PDZD4: variants seen among roughly 807,000 people sequenced by gnomAD.
PDZD4 encodes the protein PDZ domain-containing protein 4.
PDZD4 carries 9 observed loss-of-function variants against 38.5 expected under a neutral mutation model. That is an observed-to-expected ratio of 0.23 (90% CI 0.14 to 0.41). The LOEUF is 0.41. Among genes scored for constraint, PDZD4 ranks in the 10% least tolerant of loss-of-function variants. The probability of loss-of-function intolerance (pLI) is 1.00; values close to 1 mark genes in which losing one functional copy is unlikely to be tolerated. For missense variants in PDZD4, 612 were observed against 722.0 expected, an observed-to-expected ratio of 0.85 and a Z score of 1.75; for synonymous variants, 349 against 315.7, an observed-to-expected ratio of 1.11 and a Z score of -1.12.
At chrX:153,829,900 G>A (rs1557083369) in intron 1 of PDZD4, 1 of 812,661 alleles carries the variant, frequency 1.2e-6, no homozygotes, top group Non-Finnish European at 1.5e-6. Flanking sequence ...CCCGCACGGC[G>A]GGAGCCTGGC....
chrX:153,814,490 C>CGCA (rs1557079398), intron 1 of PDZD4, among the ~76,000 whole-genome samples: 2 of 85,369 alleles, frequency 2.3e-5, no homozygotes, highest in African/African-American at 8.6e-5. Flanking sequence ...ACCCCCCCCC[C>CGCA]AAAAAAAAGT....
chrX:153,820,219 CACCTG>C (rs1557080950), intron 1 of PDZD4, among the ~76,000 whole-genome samples: 1 of 109,265 alleles, frequency 9.2e-6, no homozygotes, highest in Non-Finnish European at 1.9e-5. Context: ...TGGTGGCTTG[CACCTG>C]TAGTTCCAGC....
chrX:153,818,427 A>G (rs1302832349), intron 1 of PDZD4, among the ~76,000 whole-genome samples: 1 of 111,428 alleles, frequency 9.0e-6, no homozygotes, highest in Non-Finnish European at 1.9e-5. Flanking sequence ...CAACGGACTG[A>G]GACCCTGTCT....
Position 153,808,441 on chromosome X carries a change from G to T in PDZD4, c.215C>A (p.Thr72Asn), listed in dbSNP as rs782217331. Reference sequence around the variant, plus strand: ...ATGCTCGAAGGTGATGTCGGTCTGAGTGCCACTGTCCACCAGCTGCAGGTC... The same window carrying T: ...ATGCTCGAAGGTGATGTCGGTCTGATTGCCACTGTCCACCAGCTGCAGGTC... ...CHDLQLVDSG[T>N]QTDITFEHIM... The change falls in exon 2 of 8, where the codon ACT becomes AAT. Residue 72 changes from threonine (T) to asparagine (N), a missense_variant. Physicochemically the swap from Thr to Asn is moderately conservative, Grantham distance 65. Coordinates refer to ENST00000393758, the MANE Select transcript of PDZD4 (RefSeq NM_001303512.2). 2 of 1,210,509 alleles carry T rather than the reference G, an allele frequency of 1.7e-6. No individual in the cohort carries two copies. Among genetic ancestry groups the T allele is most frequent in the East Asian group, 3.0e-5 (1 of 33,786 alleles).
In PDZD4 at chrX:153,806,771, C is replaced by T; in HGVS notation, c.475G>A (p.Glu159Lys). Reference sequence around the variant, plus strand: ...CCGACATAAATGCCCAGGTCCTCCTCGTCGTCCGTGCGGTAGCAAACCATC... The same window carrying T: ...CCGACATAAATGCCCAGGTCCTCCTTGTCGTCCGTGCGGTAGCAAACCATC... ...GLMVCYRTDD[E>K]EDLGIYVGEV... is the part of the protein sequence containing the mutation. The change falls in exon 4 of 8, where the codon GAG becomes AAG. Residue 159 changes from glutamate (E) to lysine (K), a missense_variant. Around this residue, in one of 3 missense-constraint regions of PDZD4, gnomAD observed 225 missense variants for 311.0 expected, o/e 0.72. Coordinates refer to ENST00000393758, the MANE Select transcript of PDZD4 (RefSeq NM_001303512.2). 6 of 1,211,122 alleles carry T rather than the reference C, an allele frequency of 5.0e-6. No homozygotes were observed. Among genetic ancestry groups the T allele is most frequent in the East Asian group, 3.0e-5 (1 of 33,820 alleles).
intron 1 of PDZD4, 103 bp downstream of exon 1, chrX:153,830,136 C>G (rs1267189324): frequency 4.9e-6 from 4 of 810,722 alleles, no homozygotes; most frequent in Non-Finnish European, 6.7e-6. Context: ...CCTTGTCCTC[C>G]TCGAGCCCTC....
At chrX:153,814,779 C>T (rs1361323931) in intron 1 of PDZD4, among the ~76,000 whole-genome samples, 5 of 110,952 alleles carry the variant, frequency 4.5e-5, no homozygotes, top group South Asian at 3.8e-4. Flanking sequence ...CCAGTGCTCC[C>T]GTGCCATCCT....
At position 153,813,926 on chromosome X, in the gene PDZD4, G is replaced by A. The variant is rs2064333782; in HGVS notation, c.61-5331C>T. ...TCCCAACTCCTAACAGTTTGCTGAAGATAAAACTTTAATATGTTTCTTGGC... is the reference window on the plus strand; with the variant it reads ...TCCCAACTCCTAACAGTTTGCTGAAAATAAAACTTTAATATGTTTCTTGGC... On this transcript the variant is annotated intron_variant, in intron 1 of 7. Coordinates refer to ENST00000393758, the MANE Select transcript of PDZD4 (RefSeq NM_001303512.2). Among the ~76,000 whole-genome samples the A allele has an allele frequency of 6.2e-5, 7 of 112,293 alleles. No individual in the cohort carries two copies. In the South Asian group the frequency reaches 2.6e-3, roughly 41 times the overall value.
chrX:153,806,714 C>T (rs782071819), intron 4 of PDZD4, 28 bp downstream of exon 4: 25 of 1,191,026 alleles, frequency 2.1e-5, no homozygotes, highest in East Asian at 3.0e-5. Flanking sequence ...GGATGGGCCT[C>T]GGGGCTGGGG....
chrX:153,805,074 C>T (rs782689415), intron 7 of PDZD4, 23 bp downstream of exon 7: 11 of 1,197,272 alleles, frequency 9.2e-6, no homozygotes, highest in Non-Finnish European at 1.2e-5. Context: ...GCCCTCCCCA[C>T]CAGCGCCCTT....
chrX:153,814,480 A>ACCCCCCC (rs35283380), intron 1 of PDZD4, among the ~76,000 whole-genome samples: 19 of 53,833 alleles, frequency 3.5e-4, no homozygotes, highest in East Asian at 8.5e-4. Context: ...TCCACCCCCC[A>ACCCCCCC]CCCCCCCCCC....
chrX:153,807,858 C>A (rs1379805162), intron 2 of PDZD4: 11 of 977,002 alleles, frequency 1.1e-5, no homozygotes, highest in Non-Finnish European at 1.1e-5. Context: ...TACCTCCCCG[C>A]AGCCCGGGCT....
At chrX:153,811,185 G>T (rs2064307047) in intron 1 of PDZD4, among the ~76,000 whole-genome samples, 1 of 109,634 alleles carries the variant, frequency 9.1e-6, no homozygotes, top group Admixed American at 9.7e-5. Context: ...CATCCAGGCT[G>T]AAGTGCAGTG....
intron 7 of PDZD4, 52 bp downstream of exon 7, chrX:153,805,045 A>C (rs2092206990): frequency 8.6e-7 from 1 of 1,163,801 alleles, no homozygotes; most frequent in Non-Finnish European, 1.2e-6. Flanking sequence ...AGCGCCTTCC[A>C]CCCAGTTCTC....
In PDZD4 at chrX:153,804,220, C is replaced by T. The variant is rs1557075911; in HGVS notation, c.1461G>A (p.Pro487=). 3.3e-6 allele frequency: 4 copies of T among 1,204,354 alleles called. No individual in the cohort carries two copies. The highest frequency in any genetic ancestry group is 3.0e-5 in the East Asian group (1 of 33,632). Reference sequence around the variant, plus strand: ...TCTCGGGCAGGGGCTCCACAAGCAGCGGGGTGCTGCGGCAGCTCTCCCCAG... The same window carrying T: ...TCTCGGGCAGGGGCTCCACAAGCAGTGGGGTGCTGCGGCAGCTCTCCCCAG... The part of the protein sequence containing the change: ...YNTGESCRST[P]LLVEPLPESP... Residue 487 remains proline, a synonymous_variant, in exon 8 of 8, where the codon CCG becomes CCA. Coordinates refer to ENST00000393758, the MANE Select transcript of PDZD4 (RefSeq NM_001303512.2).
rs1348702554 is a variant in PDZD4, at chrX:153,802,564, T to C, written c.*789A>G. ...TGGACACCCTGCAGGACCCCTCCGT[T>C]CCTGCAGTCTTGCTCTCTCTGAGTC... On this transcript the variant is annotated 3_prime_UTR_variant, in exon 8 of 8. Transcript: ENST00000393758. 9.0e-6 allele frequency: 1 copy of C among 111,670 alleles called. No homozygotes were observed. The highest frequency in any genetic ancestry group is 1.9e-5 in the Non-Finnish European group (1 of 52,936). 9.2% of individuals were successfully genotyped at this position (111,670 alleles called of 1,213,427 possible).
At chrX:153,815,228 T>C (rs1333352291) in intron 1 of PDZD4, among the ~76,000 whole-genome samples, 1 of 113,116 alleles carries the variant, frequency 8.8e-6, no homozygotes. Flanking sequence ...ACGTCCTTAA[T>C]TTCCACCATG....
At chrX:153,814,085 C>T (rs1048444619) in intron 1 of PDZD4, among the ~76,000 whole-genome samples, 5 of 111,141 alleles carry the variant, frequency 4.5e-5, no homozygotes, top group African/African-American at 1.6e-4. Context: ...TAGTCTCGAA[C>T]TCCTGGGCTC....
chrX:153,822,881 G>A (rs1402517932), intron 1 of PDZD4, among the ~76,000 whole-genome samples: 1 of 110,131 alleles, frequency 9.1e-6, no homozygotes, highest in African/African-American at 3.3e-5. Flanking sequence ...TCAATATGTT[G>A]CCCAGGCTGT....
Sources: allele counts gnomAD v4.1 joint callset (sites outside exome capture counted in the v4.1 genomes callset), GRCh38; gene constraint gnomAD v4.1.1; regional missense constraint gnomAD v4.1.1; transcripts MANE v1.5; gene names NCBI Gene and HGNC (gene_info 2026-07-23, HGNC 2026-07-21).